TAFA1: variants seen among roughly 807,000 people sequenced by gnomAD.
The protein encoded by TAFA1 is TAFA chemokine like family member 1.
In TAFA1, 4 loss-of-function variants were observed where a neutral mutation model predicts 18.5. That is an observed-to-expected ratio of 0.22 (90% CI 0.11 to 0.49). The LOEUF is 0.49. TAFA1 is among the 20% of genes least tolerant of loss of function. The pLI is 0.98. For synonymous variants in TAFA1, 56 were observed against 55.2 expected, an observed-to-expected ratio of 1.01 and a Z score of -0.06; for missense variants, 147 against 169.0, an observed-to-expected ratio of 0.87 and a Z score of 0.72.
intron 2 of TAFA1, among the ~76,000 whole-genome samples, chr3:68,381,202 A>G (rs1384471284): frequency 7.4e-4 from 111 of 150,388 alleles, no homozygotes; most frequent in Non-Finnish European, 1.1e-3. Flanking sequence ...GTCAGGTAGC[A>G]TGATGCCTCC....
chr3:68,274,757 T>C (rs2067761003), intron 2 of TAFA1, among the ~76,000 whole-genome samples: 1 of 152,188 alleles, frequency 6.6e-6, no homozygotes, highest in Non-Finnish European at 1.5e-5. Context: ...GTCTAGCATG[T>C]GTATCATTAG....
chr3:68,346,245 C>G (rs2069161916), intron 2 of TAFA1, among the ~76,000 whole-genome samples: 1 of 152,174 alleles, frequency 6.6e-6, no homozygotes, highest in Admixed American at 6.5e-5. Flanking sequence ...CAGCCTCACC[C>G]TCCTAAGCTC....
intron 2 of TAFA1, among the ~76,000 whole-genome samples, chr3:68,119,141 T>A (rs1236272480): frequency 1.3e-5 from 2 of 152,050 alleles, no homozygotes; most frequent in Non-Finnish European, 2.9e-5. Context: ...ACATTGAGCA[T>A]CTTTTCATGT....
intron 2 of TAFA1, among the ~76,000 whole-genome samples, chr3:68,399,809 G>T (rs956868944): frequency 1.3e-4 from 20 of 152,062 alleles, no homozygotes; most frequent in Admixed American, 1.2e-3. Context: ...CAAATAAAAG[G>T]AGGACCATCT....
In TAFA1 at chr3:68,234,791, A is replaced by G. The variant is rs575980002; in HGVS notation, c.119-182489A>G. ...ATTGGTGTTTGCTGTAAATATACAT[A>G]GATTTCCTCTGATTACAAAGTCACT... On this transcript the variant is annotated intron_variant, in intron 2 of 4. Coordinates refer to ENST00000478136, the MANE Select transcript of TAFA1 (RefSeq NM_213609.4). Among the ~76,000 whole-genome samples, 8 of 152,366 alleles carry G rather than the reference A, an allele frequency of 5.3e-5. No homozygotes were observed. In the South Asian group the frequency reaches 1.7e-3, roughly 32 times the overall value.
chr3:68,125,880 A>G (rs942229389), intron 2 of TAFA1, among the ~76,000 whole-genome samples: 2 of 152,096 alleles, frequency 1.3e-5, no homozygotes, highest in African/African-American at 2.4e-5. Context: ...AACCTTCACC[A>G]ATGGAGATAA....
At chr3:68,236,212 G>T (rs1353923133) in intron 2 of TAFA1, among the ~76,000 whole-genome samples, 1 of 152,124 alleles carries the variant, frequency 6.6e-6, no homozygotes, top group African/African-American at 2.4e-5. Flanking sequence ...AATAAAGGTG[G>T]ACATTCTGAG....
intron 2 of TAFA1, among the ~76,000 whole-genome samples, chr3:68,116,253 G>A (rs1287840548): frequency 1.1e-5 from 1 of 89,616 alleles, no homozygotes; most frequent in Non-Finnish European, 2.3e-5. Context: ...AGATGCCGTC[G>A]CAAAAACAAA....
At chr3:68,517,390 T>G (rs1296434849) in intron 3 of TAFA1, among the ~76,000 whole-genome samples, 1 of 152,244 alleles carries the variant, frequency 6.6e-6, no homozygotes, top group Non-Finnish European at 1.5e-5. Flanking sequence ...CCCTTTGTTT[T>G]AGAAGTCAGA....
At chr3:68,040,999 G>C (rs1358498205) in intron 2 of TAFA1, among the ~76,000 whole-genome samples, 1 of 152,068 alleles carries the variant, frequency 6.6e-6, no homozygotes, top group Non-Finnish European at 1.5e-5. Context: ...TCTAAGATAC[G>C]TAACATTGTC....
intron 2 of TAFA1, among the ~76,000 whole-genome samples, chr3:68,222,206 G>A (rs1379587658): frequency 6.6e-6 from 1 of 152,130 alleles, no homozygotes; most frequent in Non-Finnish European, 1.5e-5. Context: ...AACAGTTGAT[G>A]TAGTTTGTCT....
intron 2 of TAFA1, among the ~76,000 whole-genome samples, chr3:68,346,254 T>C (rs2069162100): frequency 6.6e-6 from 1 of 152,056 alleles, no homozygotes; most frequent in Non-Finnish European, 1.5e-5. Flanking sequence ...CCTCCTAAGC[T>C]CAGGTGATCC....
intron 2 of TAFA1, among the ~76,000 whole-genome samples, chr3:68,076,541 A>G (rs1314081098): frequency 6.9e-6 from 1 of 144,082 alleles, no homozygotes; most frequent in Non-Finnish European, 1.5e-5. Flanking sequence ...CCCACCTACG[A>G]GTGAGAATAT....
At chr3:68,084,082 C>T (rs1457635572) in intron 2 of TAFA1, among the ~76,000 whole-genome samples, 1 of 152,104 alleles carries the variant, frequency 6.6e-6, no homozygotes, top group East Asian at 1.9e-4. Context: ...GGCTAATTGG[C>T]TGGGTACCCT....
At chr3:68,379,608 G>A (rs2069890477) in intron 2 of TAFA1, among the ~76,000 whole-genome samples, 1 of 151,998 alleles carries the variant, frequency 6.6e-6, no homozygotes, top group Admixed American at 6.6e-5. Flanking sequence ...TCGTCTTCCA[G>A]GGATTTTTAG....
chr3:68,329,964 A>G (rs945860790), intron 2 of TAFA1, among the ~76,000 whole-genome samples: 2 of 151,534 alleles, frequency 1.3e-5, no homozygotes, highest in Non-Finnish European at 2.9e-5. Context: ...CAAAATAAAT[A>G]CATAAGTACA....
chr3:68,208,405 T>TGGGGCCAAA (rs1416664062), intron 2 of TAFA1, among the ~76,000 whole-genome samples: 2 of 151,920 alleles, frequency 1.3e-5, no homozygotes, highest in African/African-American at 4.8e-5. Context: ...CCAAGAAACT[T>TGGGGCCAAA]CTGGGATGCA....
intron 2 of TAFA1, among the ~76,000 whole-genome samples, chr3:68,179,381 A>C (rs956766678): frequency 6.6e-6 from 1 of 152,242 alleles, no homozygotes; most frequent in Admixed American, 6.5e-5. Context: ...TTACAGAATG[A>C]AAGTGGAATT....
intron 3 of TAFA1, among the ~76,000 whole-genome samples, chr3:68,433,418 A>C (rs1293145964): frequency 6.6e-6 from 1 of 152,064 alleles, no homozygotes; most frequent in Non-Finnish European, 1.5e-5. Flanking sequence ...ACAGCCTCCA[A>C]AAACTAATCT....
Sources: allele counts gnomAD v4.1 joint callset (sites outside exome capture counted in the v4.1 genomes callset), GRCh38; gene constraint gnomAD v4.1.1; transcripts MANE v1.5; gene names NCBI Gene and HGNC (gene_info 2026-07-23, HGNC 2026-07-21).